The following SLC38A9 variants were observed in gnomAD, a reference collection of about 807,000 sequenced individuals.
SLC38A9 encodes the protein solute carrier family 38 member 9, also known as neutral amino acid transporter 9.
Under a neutral mutation model 62.3 loss-of-function variants are expected in SLC38A9, and 48 were observed. That is an observed-to-expected ratio of 0.77 (90% CI 0.61 to 0.98). The LOEUF is 0.98. Ranked by LOEUF, SLC38A9 falls within the 50% of genes least tolerant of loss-of-function variation. The pLI, the probability that SLC38A9 is intolerant of heterozygous loss-of-function variation, is 0.00. For missense variants in SLC38A9, 541 were observed against 679.8 expected (o/e 0.80, Z 2.27); for synonymous variants, 204 against 227.7 (o/e 0.90, Z 0.94).
intron 2 of SLC38A9, among the ~76,000 whole-genome samples, chr5:55,698,508 T>A (rs572742802): frequency 6.6e-6 from 1 of 152,134 alleles, no homozygotes. Flanking sequence ...ATTATTATAA[T>A]AATAAATCAT....
intron 12 of SLC38A9, among the ~76,000 whole-genome samples, chr5:55,645,277 A>T (rs1234876086): frequency 6.6e-6 from 1 of 152,106 alleles, no homozygotes; most frequent in East Asian, 1.9e-4. Flanking sequence ...CTGGTCTCGA[A>T]TTCCTGGGCT....
intron 2 of SLC38A9, among the ~76,000 whole-genome samples, chr5:55,703,683 TTAAG>T (rs1756935695): frequency 6.6e-6 from 1 of 152,210 alleles, no homozygotes; most frequent in South Asian, 2.1e-4. Flanking sequence ...TTGTTTGGTC[TTAAG>T]TTTTAAAACT....
intron 14 of SLC38A9, among the ~76,000 whole-genome samples, chr5:55,630,171 T>C (rs1743178368): frequency 6.6e-6 from 1 of 152,196 alleles, no homozygotes; most frequent in Admixed American, 6.5e-5. Context: ...TCCAACTATC[T>C]ATGTGAGGCT....
Position 55,697,906 on chromosome 5 carries a change from T to C in SLC38A9, c.53A>G (p.His18Arg). ...ATTCATAGGTCCAGGATCTCTTTCATGATCTACCTCAGAGGTGCCAAGATG... is the reference window on the plus strand; with the variant it reads ...ATTCATAGGTCCAGGATCTCTTTCACGATCTACCTCAGAGGTGCCAAGATG... ...SRHLGTSEVDHERDPGPMNIQ... is the reference protein window; with the variant it reads ...SRHLGTSEVDRERDPGPMNIQ... Residue 18 changes from histidine to arginine, a missense_variant, in exon 3 of 16, where the codon CAT (histidine) becomes CGT (arginine). Coordinates refer to ENST00000396865, the MANE Select transcript of SLC38A9 (RefSeq NM_173514.4). 1 of 1,604,962 alleles carries C rather than the reference T, an allele frequency of 6.2e-7. No individual in the cohort carries two copies.
chr5:55,646,379 A>T (rs1746360291), intron 11 of SLC38A9, among the ~76,000 whole-genome samples: 2 of 152,178 alleles, frequency 1.3e-5, no homozygotes, highest in Admixed American at 6.5e-5. Context: ...TCAAAAAAAA[A>T]AGTATACTCT....
intron 10 of SLC38A9, 152 bp downstream of exon 10, chr5:55,652,377 A>AAAAT: frequency 2.4e-6 from 1 of 413,176 alleles, no homozygotes; most frequent in Non-Finnish European, 4.1e-6. Context: ...AAAAAAAAAA[A>AAAAT]GAAAGAAAGA....
At chr5:55,669,358 T>A in intron 6 of SLC38A9, 37 bp from the exon 7 acceptor site, 2 of 1,527,894 alleles carry the variant, frequency 1.3e-6, no homozygotes, top group Non-Finnish European at 1.8e-6. Context: ...GCATATATCA[T>A]CATGTAAGCA....
At chr5:55,652,210 T>C (rs1295720601) in intron 10 of SLC38A9, among the ~76,000 whole-genome samples, 1 of 151,156 alleles carries the variant, frequency 6.6e-6, no homozygotes, top group Non-Finnish European at 1.5e-5. Context: ...AATACAAAAT[T>C]AGCTGGGTGT....
rs555487763 is a variant in SLC38A9 at position 55,633,519 on chromosome 5, A to C, written c.1430+235T>G. 3.9e-5 allele frequency: 18 copies of C among 456,860 alleles called. No homozygotes were observed. The South Asian group carries it at 7.0e-4, about 18-fold the overall frequency. 28.3% of individuals were successfully genotyped at this position (456,860 alleles called of 1,614,324 possible). A position where few individuals can be genotyped will look rare whatever the true frequency, so the allele number is the denominator to read the frequency against. On this transcript the variant is annotated intron_variant, in intron 14 of 15. Transcript: ENST00000396865. ...CAATTAAATAATAAGATAAATATAA[A>C]TGGTATCGGAGCTAATTAACTATAC... is the stretch of plus-strand genomic sequence containing the variant.
chr5:55,688,103 A>C (rs955802034), intron 3 of SLC38A9, among the ~76,000 whole-genome samples: 1 of 152,124 alleles, frequency 6.6e-6, no homozygotes, highest in Non-Finnish European at 1.5e-5. Context: ...TTGCACATTG[A>C]TTTTGTATCC....
chr5:55,704,550 A>T (rs1013781569), intron 2 of SLC38A9: 1 of 114,986 alleles, frequency 8.7e-6, no homozygotes, highest in African/African-American at 2.9e-5. Flanking sequence ...TTTGAACTTA[A>T]CGAAGGTTAA....
chr5:55,641,704 C>CA (rs1745470076), intron 12 of SLC38A9, among the ~76,000 whole-genome samples: 2 of 152,178 alleles, frequency 1.3e-5, no homozygotes, highest in African/African-American at 4.8e-5. Context: ...CACTGGGAGA[C>CA]AAGGAGTTAA....
chr5:55,709,183 G>A (rs188298569), intron 2 of SLC38A9, among the ~76,000 whole-genome samples: 57 of 152,262 alleles, frequency 3.7e-4, no homozygotes, highest in African/African-American at 1.3e-3. Flanking sequence ...ATTTGACAGT[G>A]CTGGAGGATA....
At position 55,672,639 on chromosome 5, in the gene SLC38A9, A is replaced by C; in HGVS notation, c.170T>G (p.Val57Gly). Residue 57 changes from valine to glycine, a missense_variant, in exon 4 of 16, where the codon GTT becomes GGT. Coordinates refer to ENST00000396865, the MANE Select transcript of SLC38A9 (RefSeq NM_173514.4). ...GTTCATGGCAGAGGCATGGTCACTA[A>C]CCCTCTGAATGACATGATTCACATT... Reference protein sequence around the residue: ...IVNVNHVIQRVSDHASAMNKR... With the variant: ...IVNVNHVIQRGSDHASAMNKR... The C allele has an allele frequency of 6.2e-7, 1 of 1,614,090 alleles. No homozygotes were observed. The highest frequency in any genetic ancestry group is 8.5e-7 in the Non-Finnish European group (1 of 1,179,974).
chr5:55,639,083 C>T (rs1744956322), intron 12 of SLC38A9, among the ~76,000 whole-genome samples: 2 of 151,658 alleles, frequency 1.3e-5, no homozygotes, highest in South Asian at 2.1e-4. Flanking sequence ...TTTGGGAGGC[C>T]GAGGCGGGCG....
intron 12 of SLC38A9, among the ~76,000 whole-genome samples, chr5:55,642,769 A>G (rs1745647556): frequency 1.3e-5 from 2 of 152,232 alleles, no homozygotes; most frequent in Non-Finnish European, 2.9e-5. Flanking sequence ...CAAGATAGGA[A>G]GTATGAAAAA....
intron 14 of SLC38A9, among the ~76,000 whole-genome samples, chr5:55,628,679 C>T (rs1398008111): frequency 6.6e-6 from 1 of 152,040 alleles, no homozygotes; most frequent in African/African-American, 2.4e-5. Flanking sequence ...CAGATTTAAC[C>T]ACTTAAAGAA....
chr5:55,637,310 G>C (rs1744580502), intron 12 of SLC38A9, among the ~76,000 whole-genome samples: 1 of 152,158 alleles, frequency 6.6e-6, no homozygotes, highest in Non-Finnish European at 1.5e-5. Flanking sequence ...AGATGCAAAG[G>C]CTATGGTGCA....
At chr5:55,647,504 CTAAAA>C (rs1746605808) in intron 11 of SLC38A9, among the ~76,000 whole-genome samples, 1 of 152,104 alleles carries the variant, frequency 6.6e-6, no homozygotes, top group Non-Finnish European at 1.5e-5. Flanking sequence ...AGCACTAGCT[CTAAAA>C]TAAAATAAAC....
Sources: allele counts gnomAD v4.1 joint callset (sites outside exome capture counted in the v4.1 genomes callset), GRCh38; gene constraint gnomAD v4.1.1; transcripts MANE v1.5; gene names NCBI Gene and HGNC (gene_info 2026-07-23, HGNC 2026-07-21).